INPP4B: variants seen among roughly 807,000 people sequenced by gnomAD.
The protein encoded by INPP4B is inositol polyphosphate 4-phosphatase type II.
INPP4B carries 55 observed loss-of-function variants against 122.5 expected under a neutral mutation model. The ratio of observed to expected loss-of-function variants is 0.45; its 90% CI spans 0.36 to 0.56. The LOEUF is 0.56. INPP4B is among the 20% of genes least tolerant of loss of function. INPP4B has a pLI of 0.00. For missense variants in INPP4B, 1,000 were observed against 1,097.7 expected (o/e 0.91, Z 1.26); for synonymous variants, 403 against 388.7 (o/e 1.04, Z -0.43).
intron 2 of INPP4B, among the ~76,000 whole-genome samples, chr4:142,546,925 T>A (rs1270438965): frequency 6.6e-6 from 1 of 152,164 alleles, no homozygotes; most frequent in East Asian, 1.9e-4. Flanking sequence ...TCTATAACTT[T>A]ACCATCCAGA....
chr4:142,724,911 AC>A (rs1336265723), intron 2 of INPP4B, among the ~76,000 whole-genome samples: 1 of 152,072 alleles, frequency 6.6e-6, no homozygotes, highest in Non-Finnish European at 1.5e-5. Context: ...CAAAAATAAA[AC>A]CCAATCAATT....
At chr4:142,536,911 C>T (rs1186904199) in intron 2 of INPP4B, among the ~76,000 whole-genome samples, 1 of 152,124 alleles carries the variant, frequency 6.6e-6, no homozygotes, top group Non-Finnish European at 1.5e-5. Flanking sequence ...ATTCTTCTGC[C>T]TCAGCCTCCC....
At chr4:142,058,385 C>T (rs934682745) in intron 25 of INPP4B, among the ~76,000 whole-genome samples, 2 of 152,062 alleles carry the variant, frequency 1.3e-5, no homozygotes, top group African/African-American at 2.4e-5. Flanking sequence ...TTTCAAAAAT[C>T]GTTTTAAAAT....
chr4:142,110,364 T>C (rs1221795209), intron 22 of INPP4B, among the ~76,000 whole-genome samples: 1 of 152,124 alleles, frequency 6.6e-6, no homozygotes, highest in Non-Finnish European at 1.5e-5. Context: ...ATTTCTGTTG[T>C]TTAAGCCACC....
At chr4:142,193,050 T>G (rs2149356815) in intron 15 of INPP4B, 37 bp downstream of exon 15, 1 of 1,245,850 alleles carries the variant, frequency 8.0e-7, no homozygotes, top group Non-Finnish European at 1.2e-6. Context: ...GGAGATGTTA[T>G]TAATGGAATC....
At chr4:142,797,588 A>G (rs950813359) in intron 1 of INPP4B, among the ~76,000 whole-genome samples, 1 of 151,980 alleles carries the variant, frequency 6.6e-6, no homozygotes, top group African/African-American at 2.4e-5. Flanking sequence ...AAAGAAAACA[A>G]ATCTAGACAA....
chr4:142,612,536 G>A (rs1230868623), intron 2 of INPP4B, among the ~76,000 whole-genome samples: 2 of 152,168 alleles, frequency 1.3e-5, no homozygotes, highest in African/African-American at 4.8e-5. Flanking sequence ...AACATATTTG[G>A]CGTTTGGTAA....
intron 18 of INPP4B, among the ~76,000 whole-genome samples, chr4:142,144,464 G>A (rs1423175015): frequency 2.0e-5 from 3 of 151,778 alleles, no homozygotes; most frequent in African/African-American, 4.8e-5. Context: ...AGCAGTGTCT[G>A]GCCCATACTT....
chr4:142,531,794 C>A (rs1203857834), intron 2 of INPP4B, among the ~76,000 whole-genome samples: 4 of 152,018 alleles, frequency 2.6e-5, no homozygotes, highest in African/African-American at 9.7e-5. Flanking sequence ...GACTATTTCT[C>A]AACAAAGGAG....
In INPP4B at chr4:142,160,366, C is replaced by T. The variant is rs745332237; in HGVS notation, c.1555G>A (p.Glu519Lys). Residue 519 changes from glutamate (E) to lysine (K), a missense_variant, in exon 17 of 26, where the codon GAA (glutamate) becomes AAA (lysine). Transcript: ENST00000262992. Reference protein sequence around the residue: ...SIPHHSDYDEEEWDRVWANVG... With the variant: ...SIPHHSDYDEKEWDRVWANVG... ...ATATACAAGAGACTTACCCACTCTT[C>T]CTCATCATAGTCTGAATGATGTGGT... is the stretch of plus-strand genomic sequence containing the variant. The T allele has an allele frequency of 4.6e-6, 7 of 1,528,008 alleles. No individual in the cohort carries two copies. In the Admixed American group the frequency reaches 1.3e-4, roughly 28 times the overall value. 94.7% of individuals were successfully genotyped at this position (1,528,008 alleles called of 1,614,324 possible).
intron 2 of INPP4B, among the ~76,000 whole-genome samples, chr4:142,613,108 C>A (rs1742923293): frequency 6.6e-6 from 1 of 152,088 alleles, no homozygotes; most frequent in South Asian, 2.1e-4. Flanking sequence ...AGGGAGCAGA[C>A]CCATGTTGAG....
intron 21 of INPP4B, among the ~76,000 whole-genome samples, chr4:142,114,691 A>G (rs1322237365): frequency 6.6e-6 from 1 of 151,978 alleles, no homozygotes; most frequent in East Asian, 1.9e-4. Context: ...AGGATTTGTA[A>G]ATATTATCTT....
intron 2 of INPP4B, among the ~76,000 whole-genome samples, chr4:142,629,631 A>C (rs1747470641): frequency 6.6e-6 from 1 of 152,094 alleles, no homozygotes; most frequent in Admixed American, 6.6e-5. Context: ...AGTCAATAAA[A>C]CAATATAGAG....
intron 14 of INPP4B, among the ~76,000 whole-genome samples, chr4:142,195,802 A>G (rs1463900740): frequency 1.3e-5 from 2 of 152,316 alleles, no homozygotes; most frequent in African/African-American, 4.8e-5. Flanking sequence ...CTTTTGCCAA[A>G]TTTGCAAAAA....
chr4:142,681,381 CCAGGACCTAAGGTCTTAAATAGAGAA>C (rs1218282855), intron 2 of INPP4B, among the ~76,000 whole-genome samples: 4 of 151,762 alleles, frequency 2.6e-5, no homozygotes, highest in Admixed American at 2.6e-4. Flanking sequence ...CCTGGAGATG[CCAGGACCTAAGGTCTTAAATAGAGAA>C]GAGCCCACTG....
chr4:142,804,786 C>T (rs974566552), intron 1 of INPP4B, among the ~76,000 whole-genome samples: 2 of 152,162 alleles, frequency 1.3e-5, no homozygotes, highest in Non-Finnish European at 2.9e-5. Flanking sequence ...TCCACCTCAG[C>T]GTCCCAAGCA....
In INPP4B at chr4:142,544,118, T is replaced by TGG. The variant is rs1829255413; in HGVS notation, c.-190-81394_-190-81393dup. Among the ~76,000 whole-genome samples the TGG allele has an allele frequency of 6.2e-3, 22 of 3,534 alleles. No homozygotes were observed. The Admixed American group carries it at 0.091, about 15-fold the overall frequency. The allele number at this position is 3,534 out of a possible 152,430, so 2.3% of individuals were successfully genotyped here. A position where few individuals can be genotyped will look rare whatever the true frequency, so the allele number is the denominator to read the frequency against. On this transcript the variant is annotated intron_variant, in intron 2 of 25. Coordinates refer to ENST00000262992, the MANE Select transcript of INPP4B (RefSeq NM_001101669.3). Reference sequence around the variant, plus strand: ...GGAAGTATAATGCACAAATACTGCATGGTGTGTGTGTGGTGTGTGTGTGTG... The same window carrying TGG: ...GGAAGTATAATGCACAAATACTGCATGGGGTGTGTGTGTGGTGTGTGTGTGTG...
At chr4:142,650,882 C>T (rs755564538) in intron 2 of INPP4B, among the ~76,000 whole-genome samples, 1 of 152,198 alleles carries the variant, frequency 6.6e-6, no homozygotes, top group Non-Finnish European at 1.5e-5. Flanking sequence ...TAATAGACAT[C>T]TACAGAACTC....
intron 7 of INPP4B, among the ~76,000 whole-genome samples, chr4:142,396,549 T>A (rs1799437185): frequency 6.6e-6 from 1 of 152,110 alleles, no homozygotes; most frequent in Non-Finnish European, 1.5e-5. Context: ...AATTTGACAG[T>A]TTCTAGGAAA....
Sources: gnomAD v4.1 joint callset for allele counts (sites outside exome capture counted in the v4.1 genomes callset) on GRCh38, gnomAD v4.1.1 for gene constraint, MANE v1.5 for transcripts, NCBI Gene and HGNC (gene_info 2026-07-23, HGNC 2026-07-21) for gene names.